NRXN3: variants seen among roughly 807,000 people sequenced by gnomAD.
NRXN3 encodes the protein neurexin 3, also known as neurexin III.
A neutral mutation model predicts 137.6 loss-of-function variants in NRXN3; 32 were observed. That is an observed-to-expected ratio of 0.23 (90% CI 0.18 to 0.31). NRXN3 has a LOEUF of 0.31. Ranked by LOEUF, NRXN3 falls within the 10% of genes least tolerant of loss-of-function variation. NRXN3 has a pLI of 1.00. For synonymous variants in NRXN3, 798 were observed against 784.5 expected (o/e 1.02, Z -0.29); for missense variants, 1,574 against 2,062.5 (o/e 0.76, Z 4.59).
intron 15 of NRXN3, among the ~76,000 whole-genome samples, chr14:79,112,247 C>T (rs1050307645): frequency 6.6e-6 from 1 of 152,216 alleles, no homozygotes. Flanking sequence ...GAGCTGTAGG[C>T]CTCTCTTCTT....
intron 8 of NRXN3, among the ~76,000 whole-genome samples, chr14:78,790,901 T>C (rs2098803312): frequency 6.6e-6 from 1 of 152,206 alleles, no homozygotes; most frequent in Admixed American, 6.5e-5. Context: ...TTGCTCATAA[T>C]ACTGTATCAG....
intron 10 of NRXN3, among the ~76,000 whole-genome samples, chr14:78,841,049 C>G (rs2099010934): frequency 6.6e-6 from 1 of 152,032 alleles, no homozygotes; most frequent in African/African-American, 2.4e-5. Context: ...TGCCTCAGGC[C>G]ACACAGCTGG....
At chr14:79,357,337 T>A (rs939480785) in intron 15 of NRXN3, among the ~76,000 whole-genome samples, 1 of 152,044 alleles carries the variant, frequency 6.6e-6, no homozygotes, top group African/African-American at 2.4e-5. Context: ...ACTTCTTTTT[T>A]AAAAAAATAA....
intron 15 of NRXN3, among the ~76,000 whole-genome samples, chr14:78,995,783 G>A (rs558957346): frequency 6.6e-6 from 1 of 152,304 alleles, no homozygotes; most frequent in African/African-American, 2.4e-5. Context: ...TGGTAACAGT[G>A]TAAACAAGAT....
intron 10 of NRXN3, among the ~76,000 whole-genome samples, chr14:78,870,479 A>G (rs1218761710): frequency 6.6e-6 from 1 of 152,178 alleles, no homozygotes; most frequent in Non-Finnish European, 1.5e-5. Flanking sequence ...AAATCAGGGT[A>G]ATTGGGGTAT....
At chr14:78,443,911 G>A (rs1033633784) in intron 4 of NRXN3, among the ~76,000 whole-genome samples, 1 of 152,148 alleles carries the variant, frequency 6.6e-6, no homozygotes, top group African/African-American at 2.4e-5. Context: ...CATTAGGTTG[G>A]TGCAAAAGTA....
At position 78,881,249 on chromosome 14, in the gene NRXN3, T is replaced by C. The variant is rs545365589; in HGVS notation, c.2275+70905T>C. Among the ~76,000 whole-genome samples the C allele has an allele frequency of 1.3e-5, 2 of 151,704 alleles. 1 individual carries two copies. Among genetic ancestry groups the C allele is most frequent in the Admixed American group, 1.3e-4 (2 of 15,282 alleles). ...GCTGAGAATGGACTAATACAGTAAA[T>C]TGGCACCAGGTAGTGGGATACTGCT... On this transcript the variant is annotated intron_variant, in intron 10 of 20. Coordinates refer to ENST00000335750, the MANE Select transcript of NRXN3 (RefSeq NM_001330195.2).
chr14:79,791,538 T>C (rs1045434078), intron 19 of NRXN3, among the ~76,000 whole-genome samples: 11 of 132,930 alleles, frequency 8.3e-5, no homozygotes, highest in African/African-American at 3.0e-4. Context: ...ATAATAATTA[T>C]AATTAATTAT....
chr14:78,259,131 C>CA (rs138126967), intron 2 of NRXN3, among the ~76,000 whole-genome samples: 30,905 of 92,708 alleles, frequency 0.33, 3,628 homozygotes, highest in Middle Eastern at 0.44. Flanking sequence ...GACTCCATCT[C>CA]AAAAAAAAAA....
chr14:79,221,245 T>C (rs1426735794), intron 15 of NRXN3, among the ~76,000 whole-genome samples: 2 of 152,164 alleles, frequency 1.3e-5, no homozygotes. Flanking sequence ...GTAGAATCAT[T>C]TATTATCCTT....
rs550047359 is a variant in NRXN3, at chr14:79,358,669, G to T, written c.3263-108552G>T. 2.7e-5 allele frequency among the ~76,000 whole-genome samples: 4 copies of T among 150,396 alleles called. No homozygotes were observed. In the East Asian group the frequency reaches 7.8e-4, roughly 29 times the overall value. ...AGAAAGAAAGAAAGAAAGAAAGAAA[G>T]TGTCCTAAAAGAAGTGGTGGTACCT... On this transcript the variant is annotated intron_variant, in intron 15 of 20. Coordinates refer to ENST00000335750, the MANE Select transcript of NRXN3 (RefSeq NM_001330195.2).
At chr14:79,845,185 G>A (rs1167317111) in intron 20 of NRXN3, among the ~76,000 whole-genome samples, 1 of 152,216 alleles carries the variant, frequency 6.6e-6, no homozygotes, top group Non-Finnish European at 1.5e-5. Context: ...TAACAGGAAT[G>A]TTGTGGCTAG....
At chr14:79,114,694 C>G (rs999548663) in intron 15 of NRXN3, among the ~76,000 whole-genome samples, 2 of 151,960 alleles carry the variant, frequency 1.3e-5, no homozygotes, top group Non-Finnish European at 2.9e-5. Context: ...TTGAGAACAA[C>G]CTGGTCAATA....
chr14:78,895,064 T>C (rs548049903), intron 10 of NRXN3, among the ~76,000 whole-genome samples: 1 of 151,864 alleles, frequency 6.6e-6, no homozygotes, highest in East Asian at 2.0e-4. Flanking sequence ...GAATGGTATA[T>C]AAGCATTGGC....
chr14:79,793,241 C>T (rs1053405854), intron 19 of NRXN3, among the ~76,000 whole-genome samples: 3 of 151,956 alleles, frequency 2.0e-5, no homozygotes. Context: ...ACCATCCTGG[C>T]TAACCCGGTG....
chr14:78,765,056 C>A (rs1460718235), intron 8 of NRXN3, among the ~76,000 whole-genome samples: 3 of 151,888 alleles, frequency 2.0e-5, no homozygotes, highest in Non-Finnish European at 4.4e-5. Context: ...AGAGAGGAAG[C>A]TAAATGTATG....
chr14:79,062,431 T>C (rs1279920445), intron 15 of NRXN3, among the ~76,000 whole-genome samples: 2 of 152,160 alleles, frequency 1.3e-5, no homozygotes, highest in Admixed American at 1.3e-4. Flanking sequence ...TTTTTCCAAA[T>C]ACAGCACAAT....
At chr14:79,319,284 T>C (rs1354479033) in intron 15 of NRXN3, among the ~76,000 whole-genome samples, 2 of 152,350 alleles carry the variant, frequency 1.3e-5, no homozygotes, top group East Asian at 3.9e-4. Context: ...TGATCATTTC[T>C]TGAGCTAGAA....
chr14:78,255,177 A>T (rs2069357884), intron 2 of NRXN3, among the ~76,000 whole-genome samples: 1 of 152,216 alleles, frequency 6.6e-6, no homozygotes, highest in South Asian at 2.1e-4. Context: ...CAGAAAAAAA[A>T]AAAAAAAAAA....
Sources: allele counts gnomAD v4.1 joint callset (sites outside exome capture counted in the v4.1 genomes callset), GRCh38; gene constraint gnomAD v4.1.1; transcripts MANE v1.5; gene names NCBI Gene and HGNC (gene_info 2026-07-23, HGNC 2026-07-21).